Variants in EPHA3 observed in about 807,000 individuals in gnomAD.
EPHA3 encodes ephrin type-A receptor 3.
Under a neutral mutation model 107.1 loss-of-function variants are expected in EPHA3, and 42 were observed. The ratio of observed to expected loss-of-function variants is 0.39; its 90% CI spans 0.31 to 0.51. The LOEUF (loss-of-function observed/expected upper bound fraction) is 0.51. EPHA3 is among the 20% of genes least tolerant of loss of function. The pLI, the probability that EPHA3 is intolerant of heterozygous loss-of-function variation, is 0.78. For missense variants in EPHA3, 1,183 were observed against 1,211.2 expected (o/e 0.98, Z 0.35); for synonymous variants, 461 against 424.8 (o/e 1.09, Z -1.05).
chr3:89,304,242 G>GAACT (rs796892491), intron 3 of EPHA3, among the ~76,000 whole-genome samples: 18 of 152,160 alleles, frequency 1.2e-4, no homozygotes, highest in African/African-American at 4.3e-4. Flanking sequence ...AGTCCAGTAT[G>GAACT]AACTGTATTT....
intron 3 of EPHA3, among the ~76,000 whole-genome samples, chr3:89,333,594 C>T (rs1707335146): frequency 6.6e-6 from 1 of 152,128 alleles, no homozygotes; most frequent in Non-Finnish European, 1.5e-5. Flanking sequence ...TAACTGCAGG[C>T]TGGGCAGGGT....
At chr3:89,400,263 G>C (rs114505202) in intron 7 of EPHA3, 1 of 207,686 alleles carries the variant, frequency 4.8e-6, no homozygotes, top group Non-Finnish European at 8.5e-6. Context: ...GAGCGATCTC[G>C]GCTCACTGCA....
At chr3:89,239,529 A>G (rs1360081362) in intron 3 of EPHA3, among the ~76,000 whole-genome samples, 26 of 152,188 alleles carry the variant, frequency 1.7e-4, no homozygotes, top group Admixed American at 1.0e-3. Flanking sequence ...TGTGCAGTAT[A>G]TATTTTAACA....
At chr3:89,120,890 A>C (rs1406226078) in intron 1 of EPHA3, among the ~76,000 whole-genome samples, 2 of 152,222 alleles carry the variant, frequency 1.3e-5, no homozygotes, top group African/African-American at 4.8e-5. Flanking sequence ...AGGCTGTTAA[A>C]ATACCACCTG....
At position 89,171,828 on chromosome 3, in the gene EPHA3, T is replaced by C. The variant is rs1705215541; in HGVS notation, c.154-38032T>C. Among the ~76,000 whole-genome samples the C allele has an allele frequency of 2.0e-5, 3 of 152,168 alleles. No homozygotes were observed. In the South Asian group the frequency reaches 6.2e-4, roughly 32 times the overall value. Reference sequence around the variant, plus strand: ...CTTTGAATCAGGAACCACCTTATGATCACAACTGCCATGTTTAAATGCATG... The same window carrying C: ...CTTTGAATCAGGAACCACCTTATGACCACAACTGCCATGTTTAAATGCATG... On this transcript the variant is annotated intron_variant, in intron 2 of 16. Transcript: ENST00000336596.
At chr3:89,136,002 G>A (rs1704302028) in intron 2 of EPHA3, among the ~76,000 whole-genome samples, 1 of 152,108 alleles carries the variant, frequency 6.6e-6, no homozygotes, top group Non-Finnish European at 1.5e-5. Context: ...TATTTGGGAA[G>A]TTTGGGTTCT....
At chr3:89,192,312 ACTG>A (rs1705738558) in intron 2 of EPHA3, among the ~76,000 whole-genome samples, 1 of 152,180 alleles carries the variant, frequency 6.6e-6, no homozygotes, top group African/African-American at 2.4e-5. Context: ...ACTGTGAGTG[ACTG>A]CTGATATTGA....
At chr3:89,238,954 C>G (rs1401311361) in intron 3 of EPHA3, among the ~76,000 whole-genome samples, 4 of 152,156 alleles carry the variant, frequency 2.6e-5, no homozygotes, top group South Asian at 2.1e-4. Context: ...CTATTGTATT[C>G]TGTCTCAAAC....
intron 2 of EPHA3, among the ~76,000 whole-genome samples, chr3:89,156,077 G>C (rs1383643461): frequency 6.6e-6 from 1 of 152,064 alleles, no homozygotes; most frequent in African/African-American, 2.4e-5. Flanking sequence ...GGAGGCCGTT[G>C]GGAAGAAGAT....
chr3:89,415,347 A>G (rs1422085270), intron 10 of EPHA3, among the ~76,000 whole-genome samples: 5 of 150,118 alleles, frequency 3.3e-5, no homozygotes, highest in African/African-American at 1.2e-4. Context: ...TAAAAAAAAT[A>G]TGTTATTTAT....
intron 15 of EPHA3, 56 bp from the exon 16 acceptor site, chr3:89,472,408 C>A: frequency 6.4e-7 from 1 of 1,554,908 alleles, no homozygotes; most frequent in Non-Finnish European, 8.7e-7. Context: ...AATTTTGACA[C>A]ACAGCAACTC....
chr3:89,126,836 T>C (rs1440417286), intron 1 of EPHA3, among the ~76,000 whole-genome samples: 2 of 151,854 alleles, frequency 1.3e-5, no homozygotes, highest in East Asian at 1.9e-4. Flanking sequence ...GAATCATATG[T>C]AAATTTATCA....
At chr3:89,270,736 CTATT>C (rs71621537) in intron 3 of EPHA3, among the ~76,000 whole-genome samples, 21,132 of 151,854 alleles carry the variant, frequency 0.14, 1,563 homozygotes, top group African/African-American at 0.2. Flanking sequence ...ATTTTTTCTT[CTATT>C]TATTTCTGAT....
chr3:89,248,733 G>A (rs1360510566), intron 3 of EPHA3, among the ~76,000 whole-genome samples: 52 of 152,150 alleles, frequency 3.4e-4, no homozygotes, highest in Admixed American at 3.4e-3. Context: ...GGCAATTCCA[G>A]GCATTATATC....
At chr3:89,267,511 C>T (rs756790422) in intron 3 of EPHA3, among the ~76,000 whole-genome samples, 19 of 152,072 alleles carry the variant, frequency 1.2e-4, no homozygotes, top group Non-Finnish European at 2.1e-4. Flanking sequence ...AAGTCACAGC[C>T]CTGCCATTCC....
At chr3:89,459,468 T>C (rs563944796) in intron 15 of EPHA3, among the ~76,000 whole-genome samples, 3 of 146,642 alleles carry the variant, frequency 2.0e-5, no homozygotes, top group Non-Finnish European at 4.4e-5. Flanking sequence ...CTTCTTTCTC[T>C]CCTTCCTTCT....
At chr3:89,457,992 C>A (rs562708781) in intron 15 of EPHA3, among the ~76,000 whole-genome samples, 1 of 152,268 alleles carries the variant, frequency 6.6e-6, no homozygotes, top group Non-Finnish European at 1.5e-5. Flanking sequence ...TCAGCCTTCT[C>A]ATTGACAGTG....
At chr3:89,370,133 T>C (rs970803331) in intron 5 of EPHA3, among the ~76,000 whole-genome samples, 1 of 150,814 alleles carries the variant, frequency 6.6e-6, no homozygotes, top group Non-Finnish European at 1.5e-5. Context: ...GAAATACCAT[T>C]TGACCCAGCC....
intron 3 of EPHA3, among the ~76,000 whole-genome samples, chr3:89,340,090 C>T (rs1218102640): frequency 6.6e-6 from 1 of 152,128 alleles, no homozygotes; most frequent in East Asian, 1.9e-4. Flanking sequence ...CAGTTTTAGG[C>T]ATATCTCTGT....
Sources: allele counts gnomAD v4.1 joint callset (sites outside exome capture counted in the v4.1 genomes callset), GRCh38; gene constraint gnomAD v4.1.1; transcripts MANE v1.5; gene names NCBI Gene and HGNC (gene_info 2026-07-23, HGNC 2026-07-21).